ZDHHC7: variants seen among roughly 807,000 people sequenced by gnomAD.
ZDHHC7 encodes the protein palmitoyltransferase ZDHHC7.
ZDHHC7 carries 12 observed loss-of-function variants against 34.1 expected under a neutral mutation model. The observed-to-expected ratio is 0.35, with a 90% CI of 0.23 to 0.57. The LOEUF is 0.57. ZDHHC7 is among the 20% of genes least tolerant of loss of function. The pLI is 0.84. For missense variants in ZDHHC7, 388 were observed against 402.7 expected (o/e 0.96, Z 0.31); for synonymous variants, 185 against 155.4 (o/e 1.19, Z -1.42).
rs1225350441 is a variant in ZDHHC7 at position 84,979,287 on chromosome 16, T to A, written c.441-2A>T. 6.2e-7 allele frequency: 1 copy of A among 1,608,168 alleles called. No homozygotes were observed. Among genetic ancestry groups the A allele is most frequent in the Admixed American group, 1.7e-5 (1 of 58,000 alleles). ...TTCCGAATACATCTTTTGCAAATAC[T>A]GAAAAGGAGAGTTTGATTTTTCAGT... On this transcript the variant is annotated splice_acceptor_variant, in intron 4 of 7. Transcript: ENST00000313732. LOFTEE classifies it high-confidence loss of function.
intron 1 of ZDHHC7, among the ~76,000 whole-genome samples, chr16:85,002,737 G>A (rs1437760502): frequency 6.6e-6 from 1 of 152,100 alleles, no homozygotes; most frequent in African/African-American, 2.4e-5. Flanking sequence ...TGGGGGGATG[G>A]TCGACAAAGC....
At chr16:85,022,791 G>A in the ZDHHC7 span, among the ~76,000 whole-genome samples, 1 of 152,138 alleles carries the variant, frequency 6.6e-6, no homozygotes, top group Admixed American at 6.5e-5. Context: ...CTGATATGAA[G>A]CACTAAGAAG....
chr16:84,994,547 C>T (rs904940823), intron 2 of ZDHHC7, among the ~76,000 whole-genome samples: 1 of 152,214 alleles, frequency 6.6e-6, no homozygotes, highest in African/African-American at 2.4e-5. Context: ...TAAAGGCACA[C>T]ATGTGACACC....
chr16:84,992,935 T>A (rs997464378), intron 2 of ZDHHC7, among the ~76,000 whole-genome samples: 1 of 152,320 alleles, frequency 6.6e-6, no homozygotes, highest in Non-Finnish European at 1.5e-5. Context: ...CTTTAAAAAA[T>A]TTCCTCTCGA....
At chr16:85,027,374 T>A in the ZDHHC7 span, among the ~76,000 whole-genome samples, 24 of 152,302 alleles carry the variant, frequency 1.6e-4, no homozygotes, top group South Asian at 2.1e-3. Context: ...GGAGGGTAAC[T>A]GACACGGCTG....
At position 84,990,358 on chromosome 16, in the gene ZDHHC7, G is replaced by A. The variant is rs1405113536; in HGVS notation, c.261C>T (p.Asn87=). 1.2e-6 allele frequency: 2 copies of A among 1,614,028 alleles called. No homozygotes were observed. The highest frequency in any genetic ancestry group is 1.3e-5 in the African/African-American group (1 of 74,900). The change falls in exon 3 of 8, where the codon AAC becomes AAT. Residue 87 remains asparagine (N), a synonymous_variant. Transcript: ENST00000313732. ...WYSVVNGVIF[N]CLAVLALSSH... ...ATGACAGGGCAAGCACGGCCAAGCA[G>A]TTAAAGATGACCCCGTTGACCACAG...
At chr16:84,986,050 C>A (rs1359752867) in intron 3 of ZDHHC7, among the ~76,000 whole-genome samples, 1 of 151,436 alleles carries the variant, frequency 6.6e-6, no homozygotes, top group African/African-American at 2.4e-5. Context: ...CATGAGCTAC[C>A]GGTATTGAGG....
chr16:85,021,733 A>G, the ZDHHC7 span, among the ~76,000 whole-genome samples: 1 of 150,966 alleles, frequency 6.6e-6, no homozygotes, highest in Admixed American at 6.6e-5. Flanking sequence ...AAGAAAGAAA[A>G]AGAGAGAAAG....
intron 1 of ZDHHC7, among the ~76,000 whole-genome samples, chr16:85,010,869 G>A (rs2072781825): frequency 2.6e-5 from 4 of 152,244 alleles, no homozygotes; most frequent in Admixed American, 2.0e-4. Context: ...TACAGCTTAA[G>A]AGGAAGAGAA....
chr16:85,012,167 A>T (rs2072803379), upstream of ZDHHC7, among the ~76,000 whole-genome samples: 1 of 152,278 alleles, frequency 6.6e-6, no homozygotes, highest in East Asian at 1.9e-4. Context: ...TGATCACTTG[A>T]GGTCAGGAGT....
intron 1 of ZDHHC7, among the ~76,000 whole-genome samples, chr16:85,008,871 T>A (rs1476375590): frequency 6.6e-6 from 1 of 150,918 alleles, no homozygotes; most frequent in African/African-American, 2.4e-5. Flanking sequence ...CATGGAGAAA[T>A]CCTGTCTCTA....
chr16:84,983,487 T>C (rs2072396958), intron 3 of ZDHHC7, among the ~76,000 whole-genome samples: 1 of 152,164 alleles, frequency 6.6e-6, no homozygotes, highest in African/African-American at 2.4e-5. Context: ...AGCTGGAGCC[T>C]TGGGCAGCAC....
At chr16:84,988,377 C>A (rs7193192) in intron 3 of ZDHHC7, among the ~76,000 whole-genome samples, 2 of 152,092 alleles carry the variant, frequency 1.3e-5, no homozygotes, top group African/African-American at 4.8e-5. Context: ...CACGGGACTA[C>A]ACACGAGGAT....
At chr16:84,991,234 TTA>T (rs1309414406) in intron 2 of ZDHHC7, among the ~76,000 whole-genome samples, 1 of 152,216 alleles carries the variant, frequency 6.6e-6, no homozygotes, top group African/African-American at 2.4e-5. Context: ...ACTCCCATTT[TTA>T]TATCTCTGTT....
At chr16:85,009,217 T>C (rs933712315) in intron 1 of ZDHHC7, among the ~76,000 whole-genome samples, 2 of 152,070 alleles carry the variant, frequency 1.3e-5, no homozygotes, top group African/African-American at 4.8e-5. Flanking sequence ...TCTTTGTTAA[T>C]TTAACAAAGA....
At chr16:84,991,410 C>T (rs950178748) in intron 2 of ZDHHC7, among the ~76,000 whole-genome samples, 4 of 151,958 alleles carry the variant, frequency 2.6e-5, no homozygotes, top group Admixed American at 1.3e-4. Flanking sequence ...CTCAGCCTCC[C>T]GAGTAGCTGG....
At chr16:85,011,797 G>T (rs1331198676), upstream of ZDHHC7, among the ~76,000 whole-genome samples, 3 of 152,228 alleles carry the variant, frequency 2.0e-5, no homozygotes, top group Non-Finnish European at 4.4e-5. Flanking sequence ...GGTTGGGAAT[G>T]CCCTTAGCGG....
At chr16:85,003,293 T>C (rs190890555) in intron 1 of ZDHHC7, among the ~76,000 whole-genome samples, 196 of 152,248 alleles carry the variant, frequency 1.3e-3, no homozygotes, top group African/African-American at 4.5e-3. Context: ...GTGGTTCCTA[T>C]GGGCCGTGCA....
chr16:84,974,824 G>A lies in ZDHHC7; in HGVS notation c.*1519C>T, dbSNP rs2072273498. 6.5e-6 allele frequency: 1 copy of A among 152,724 alleles called. No individual in the cohort carries two copies. The highest frequency in any genetic ancestry group is 2.4e-5 in the African/African-American group (1 of 41,442). 9.5% of individuals were successfully genotyped at this position (152,724 alleles called of 1,614,324 possible). On this transcript the variant is annotated 3_prime_UTR_variant, in exon 8 of 8. Transcript: ENST00000313732. ...CCCTGCAGGTTTGCTCGCTTGGCTA[G>A]GACGGTGGCTCAGGTAGGTCCCTTT...
Sources: allele counts gnomAD v4.1 joint callset (sites outside exome capture counted in the v4.1 genomes callset), GRCh38; gene constraint gnomAD v4.1.1; transcripts MANE v1.5; gene names NCBI Gene and HGNC (gene_info 2026-07-23, HGNC 2026-07-21).